Variants in DRICH1 observed in about 807,000 individuals in gnomAD.
DRICH1 encodes the protein aspartate rich 1.
Under a neutral mutation model 39.5 loss-of-function variants are expected in DRICH1, and 38 were observed. That is an observed-to-expected ratio of 0.96 (90% CI 0.74 to 1.26). DRICH1 has a LOEUF of 1.26. Among genes scored for constraint, DRICH1 ranks in the 50% most tolerant of loss-of-function variants. The pLI is 0.00. For synonymous variants in DRICH1, 84 were observed against 99.5 expected, an observed-to-expected ratio of 0.84 and a Z score of 0.93; for missense variants, 279 against 270.4, an observed-to-expected ratio of 1.03 and a Z score of -0.22.
At chr22:23,595,946 GAAAACA>G in the DRICH1 span, among the ~76,000 whole-genome samples, 1 of 152,204 alleles carries the variant, frequency 6.6e-6, no homozygotes, top group Non-Finnish European at 1.5e-5. Flanking sequence ...CAGGGGACTG[GAAAACA>G]CATCATCTTA....
chr22:23,625,355 T>C lies in DRICH1; in HGVS notation c.277-451A>G, dbSNP rs1327304024. On this transcript the variant is annotated intron_variant, in intron 2 of 11. Coordinates refer to ENST00000317749, the MANE Select transcript of DRICH1 (RefSeq NM_016449.4). ...GAAAGAAATCAGGTGAAGGAAATAA[T>C]GTATACAGTGGTCCATTTTTAACAC... Among the ~76,000 whole-genome samples, 3 of 152,028 alleles carry C rather than the reference T, an allele frequency of 2.0e-5. No homozygotes were observed. The South Asian group carries it at 6.2e-4, about 31-fold the overall frequency.
Position 23,614,202 on chromosome 22 carries a change from T to C in DRICH1, c.554A>G (p.Asp185Gly), listed in dbSNP as rs1927211967. Residue 185 changes from aspartate to glycine, a missense_variant, in exon 9 of 12, where the codon GAT (aspartate) becomes GGT (glycine). Transcript: ENST00000317749. Reference sequence around the variant, plus strand: ...CAGTGAGCATCTTAAAAACAGGCTATCTTCAGAACAAGCTGGAAGGACACA... The same window carrying C: ...CAGTGAGCATCTTAAAAACAGGCTACCTTCAGAACAAGCTGGAAGGACACA... ...LPSPVQACSE[D>G]SLFLRCSLRH... The C allele has an allele frequency of 6.2e-7, 1 of 1,613,464 alleles. No homozygotes were observed. Among genetic ancestry groups the C allele is most frequent in the Non-Finnish European group, 8.5e-7 (1 of 1,179,350 alleles).
the DRICH1 span, among the ~76,000 whole-genome samples, chr22:23,584,100 C>T: frequency 0.012 from 1,761 of 152,284 alleles, 13 homozygotes; most frequent in Middle Eastern, 0.017. Context: ...GGGGACCCTG[C>T]GGGGCTGGGC....
chr22:23,600,827 C>G, the DRICH1 span, among the ~76,000 whole-genome samples: 1 of 152,052 alleles, frequency 6.6e-6, no homozygotes, highest in Non-Finnish European at 1.5e-5. Flanking sequence ...CACCCGCCAC[C>G]ATGACCAGCT....
At chr22:23,625,289 A>G (rs1927993611) in intron 2 of DRICH1, among the ~76,000 whole-genome samples, 1 of 152,142 alleles carries the variant, frequency 6.6e-6, no homozygotes, top group Non-Finnish European at 1.5e-5. Flanking sequence ...GTTGTACATA[A>G]TGTGTCTTGT....
the DRICH1 span, among the ~76,000 whole-genome samples, chr22:23,588,293 A>T: frequency 3.9e-5 from 6 of 151,902 alleles, no homozygotes; most frequent in African/African-American, 1.2e-4. Context: ...CACCCAGCTA[A>T]TTTTTTTGTA....
rs1927139682 is a variant in DRICH1, at chr22:23,613,171, C to T, written c.685+118G>A. 4 of 777,502 alleles carry T rather than the reference C, an allele frequency of 5.1e-6. No homozygotes were observed. The South Asian group carries it at 5.7e-5, about 11-fold the overall frequency. 48.2% of individuals were successfully genotyped at this position (777,502 alleles called of 1,614,324 possible). A position where few individuals can be genotyped will look rare whatever the true frequency, so the allele number is the denominator to read the frequency against. ...ACAAGCCAGACCTCACACATATTTC[C>T]ATTTTCTTTCTGATTTCATACCCCC... is the stretch of plus-strand genomic sequence containing the variant. On this transcript the variant is annotated intron_variant, in intron 11 of 11. Coordinates refer to ENST00000317749, the MANE Select transcript of DRICH1 (RefSeq NM_016449.4).
At chr22:23,608,918 A>C in intron 11 of DRICH1, 150 bp from the exon 12 acceptor site, 47 of 850,960 alleles carry the variant, frequency 5.5e-5, no homozygotes, top group Middle Eastern at 2.2e-4. Flanking sequence ...GCGGAAACTC[A>C]TCAGCCAGGG....
At chr22:23,628,137 A>T (rs572485761) in intron 1 of DRICH1, among the ~76,000 whole-genome samples, 1 of 152,200 alleles carries the variant, frequency 6.6e-6, no homozygotes, top group African/African-American at 2.4e-5. Flanking sequence ...AGTTGCAAGG[A>T]TGAGCTGGAC....
chr22:23,581,025 T>C, the DRICH1 span: 1 of 152,262 alleles, frequency 6.6e-6, no homozygotes, highest in Non-Finnish European at 1.5e-5. Flanking sequence ...TACAGTGCGA[T>C]GCTTTGCCAC....
At chr22:23,618,113 C>CTTTTTTTTTTTTTT (rs368348650) in intron 6 of DRICH1, among the ~76,000 whole-genome samples, 1 of 127,332 alleles carries the variant, frequency 7.9e-6, no homozygotes, top group African/African-American at 2.8e-5. Context: ...ATCACACATT[C>CTTTTTTTTTTTTTT]TTTTTTTTTT....
the DRICH1 span, among the ~76,000 whole-genome samples, chr22:23,592,288 G>C: frequency 6.6e-6 from 1 of 152,206 alleles, no homozygotes; most frequent in Non-Finnish European, 1.5e-5. Flanking sequence ...AGGGCAGTCA[G>C]GTCAGGAGGC....
intron 1 of DRICH1, among the ~76,000 whole-genome samples, chr22:23,631,453 A>T (rs1928381558): frequency 6.6e-6 from 1 of 151,754 alleles, no homozygotes; most frequent in Non-Finnish European, 1.5e-5. Context: ...TAATAAATAA[A>T]ATTTACAAAA....
the DRICH1 span, among the ~76,000 whole-genome samples, chr22:23,585,098 C>CCT: frequency 6.6e-6 from 1 of 150,942 alleles, no homozygotes; most frequent in Non-Finnish European, 1.5e-5. Context: ...TCTTTTTTTT[C>CCT]CTCTCTCTCT....
At chr22:23,592,195 A>G in the DRICH1 span, among the ~76,000 whole-genome samples, 3 of 152,180 alleles carry the variant, frequency 2.0e-5, no homozygotes, top group South Asian at 2.1e-4. Flanking sequence ...ATGGGACTCA[A>G]TGGGGGTGTC....
At chr22:23,584,352 T>C in the DRICH1 span, among the ~76,000 whole-genome samples, 1 of 152,126 alleles carries the variant, frequency 6.6e-6, no homozygotes, top group Non-Finnish European at 1.5e-5. Flanking sequence ...GCTCCCGTGT[T>C]TGTGGGTGTC....
chr22:23,603,720 C>T (rs1377953780), downstream of DRICH1, among the ~76,000 whole-genome samples: 2 of 152,128 alleles, frequency 1.3e-5, no homozygotes, highest in Admixed American at 1.3e-4. Flanking sequence ...GGGGGGACCC[C>T]CTCCCCCTTT....
the DRICH1 span, among the ~76,000 whole-genome samples, chr22:23,597,028 T>A: frequency 6.6e-6 from 1 of 150,784 alleles, no homozygotes; most frequent in Non-Finnish European, 1.5e-5. Flanking sequence ...GCTCTGTGGT[T>A]AGACGCACAT....
downstream of DRICH1, among the ~76,000 whole-genome samples, chr22:23,607,483 A>C (rs1297854980): frequency 6.9e-6 from 1 of 145,660 alleles, no homozygotes; most frequent in African/African-American, 2.6e-5. Flanking sequence ...TGGGCCAGTC[A>C]CCGACCCCCA....
Sources: gnomAD v4.1 joint callset for allele counts (sites outside exome capture counted in the v4.1 genomes callset) on GRCh38, gnomAD v4.1.1 for gene constraint, MANE v1.5 for transcripts, NCBI Gene and HGNC (gene_info 2026-07-23, HGNC 2026-07-21) for gene names.